Variants in PPP2R5E observed in about 807,000 individuals in gnomAD.
The protein encoded by PPP2R5E is protein phosphatase 2 regulatory subunit B'epsilon, also known as serine/threonine-protein phosphatase 2A 56 kDa regulatory subunit epsilon isoform.
In PPP2R5E, 4 loss-of-function variants were observed where a neutral mutation model predicts 65.3. The observed-to-expected ratio is 0.06, with a 90% CI of 0.03 to 0.14. The LOEUF (loss-of-function observed/expected upper bound fraction) is 0.14. Ranked by LOEUF, PPP2R5E falls within the 10% of genes least tolerant of loss-of-function variation. The pLI is 1.00. For missense variants in PPP2R5E, 274 were observed against 556.1 expected (o/e 0.49, Z 5.10); for synonymous variants, 183 against 187.4 (o/e 0.98, Z 0.19).
chr14:63,433,032 GTTTTTTTTTT>G (rs747571866), intron 3 of PPP2R5E, among the ~76,000 whole-genome samples: 1 of 96,464 alleles, frequency 1.0e-5, no homozygotes, highest in Non-Finnish European at 2.1e-5. Flanking sequence ...GTTTTGTTTT[GTTTTTTTTTT>G]TTTTTTTTTT....
chr14:63,395,375 A>C, intron 6 of PPP2R5E, 90 bp from the exon 7 acceptor site: 1 of 540,612 alleles, frequency 1.8e-6, no homozygotes, highest in Non-Finnish European at 3.0e-6. Context: ...GAGAAGGGGG[A>C]GGAGGAGGAG....
intron 2 of PPP2R5E, among the ~76,000 whole-genome samples, chr14:63,477,899 C>A (rs1382459124): frequency 6.6e-6 from 1 of 151,722 alleles, no homozygotes; most frequent in Non-Finnish European, 1.5e-5. Context: ...ACTGAAACTA[C>A]AAATCCAAAA....
intron 5 of PPP2R5E, among the ~76,000 whole-genome samples, chr14:63,397,020 C>T (rs1021236268): frequency 2.6e-5 from 4 of 152,292 alleles, no homozygotes; most frequent in African/African-American, 9.6e-5. Flanking sequence ...ACATATTAAT[C>T]CTCCCAATGA....
intron 5 of PPP2R5E, among the ~76,000 whole-genome samples, chr14:63,399,366 C>CTTTTTTTTTTTTTTTTTT (rs397814218): frequency 4.1e-5 from 2 of 48,518 alleles, no homozygotes; most frequent in African/African-American, 8.3e-5. Context: ...GGATTTCTTT[C>CTTTTTTTTTTTTTTTTTT]TTTTTTTTTT....
intron 10 of PPP2R5E, among the ~76,000 whole-genome samples, chr14:63,391,467 G>C (rs1386441513): frequency 1.3e-5 from 2 of 152,066 alleles, no homozygotes; most frequent in Non-Finnish European, 2.9e-5. Context: ...TTGTTGCCCA[G>C]GCTGGAGTGC....
At chr14:63,461,672 CGT>C (rs769548117) in intron 2 of PPP2R5E, among the ~76,000 whole-genome samples, 19 of 150,506 alleles carry the variant, frequency 1.3e-4, no homozygotes, top group Non-Finnish European at 2.7e-4. Context: ...GGCTTGGTGG[CGT>C]GTGCCTGTAG....
intron 3 of PPP2R5E, among the ~76,000 whole-genome samples, chr14:63,443,972 A>T (rs893675724): frequency 7.2e-5 from 11 of 151,888 alleles, no homozygotes; most frequent in Non-Finnish European, 1.6e-4. Context: ...CTCCTAATTG[A>T]TTCCTCTCTG....
At chr14:63,442,168 A>C (rs1227485292) in intron 3 of PPP2R5E, among the ~76,000 whole-genome samples, 1 of 152,076 alleles carries the variant, frequency 6.6e-6, no homozygotes, top group Non-Finnish European at 1.5e-5. Context: ...TCATTCTACA[A>C]ATGTCTTTGG....
At chr14:63,512,615 T>C (rs72714300) in intron 2 of PPP2R5E, among the ~76,000 whole-genome samples, 4,662 of 152,320 alleles carry the variant, frequency 0.031, 96 homozygotes, top group East Asian at 0.045. Context: ...CTTCCACTCC[T>C]ATTCCCCAAA....
intron 3 of PPP2R5E, among the ~76,000 whole-genome samples, chr14:63,422,449 G>A (rs962066102): frequency 3.7e-4 from 56 of 152,098 alleles, no homozygotes; most frequent in Non-Finnish European, 6.5e-4. Flanking sequence ...ACTGCTGGCC[G>A]GGCGCAGTGG....
intron 2 of PPP2R5E, among the ~76,000 whole-genome samples, chr14:63,529,221 AG>A (rs1362345771): frequency 6.6e-6 from 1 of 152,134 alleles, no homozygotes; most frequent in African/African-American, 2.4e-5. Flanking sequence ...GTCCTCCCAA[AG>A]TGCTGGGATT....
At chr14:63,503,583 A>G (rs1393666725) in intron 2 of PPP2R5E, among the ~76,000 whole-genome samples, 2 of 152,174 alleles carry the variant, frequency 1.3e-5, no homozygotes, top group Non-Finnish European at 2.9e-5. Flanking sequence ...AGGGCAAAAA[A>G]CACCACATTT....
chr14:63,441,741 C>T (rs997707358), intron 3 of PPP2R5E, among the ~76,000 whole-genome samples: 1 of 152,014 alleles, frequency 6.6e-6, no homozygotes, highest in African/African-American at 2.4e-5. Context: ...GAAACACCGT[C>T]TCTACTAAAA....
chr14:63,401,282 G>T (rs1363291865), intron 5 of PPP2R5E, among the ~76,000 whole-genome samples: 2 of 152,096 alleles, frequency 1.3e-5, no homozygotes, highest in African/African-American at 2.4e-5. Flanking sequence ...AATAATATGA[G>T]TGTGCTTAGT....
chr14:63,410,410 C>G (rs1325025387), intron 5 of PPP2R5E, among the ~76,000 whole-genome samples: 1 of 152,052 alleles, frequency 6.6e-6, no homozygotes, highest in Admixed American at 6.6e-5. Context: ...GACCTGACTA[C>G]CGAGTGCAGA....
rs1883880279 is a variant in PPP2R5E at position 63,374,636 on chromosome 14, TATATATATATATATATA to T, written c.*1356_*1372del. Reference sequence around the variant, plus strand: ...AATACAAAGCAGAGAGCCAATAAGATATATATATATATATATATATATATATATATATAAAATACAGC... The same window carrying T: ...AATACAAAGCAGAGAGCCAATAAGATTATATATATATATATAAAATACAGC... On this transcript the variant is annotated 3_prime_UTR_variant, in exon 14 of 14. Transcript: ENST00000337537. 2 of 42,142 alleles carry T rather than the reference TATATATATATATATATA, an allele frequency of 4.7e-5. No individual in the cohort carries two copies. Among genetic ancestry groups the T allele is most frequent in the African/African-American group, 1.3e-4 (2 of 15,610 alleles). The allele number at this position is 42,142 out of a possible 1,614,324, so 2.6% of individuals were successfully genotyped here. A position where few individuals can be genotyped will look rare whatever the true frequency, so the allele number is the denominator to read the frequency against.
intron 6 of PPP2R5E, among the ~76,000 whole-genome samples, chr14:63,396,128 G>A (rs1168043783): frequency 1.4e-5 from 1 of 69,544 alleles, no homozygotes; most frequent in African/African-American, 6.3e-5. Flanking sequence ...GCGGGGAGGA[G>A]AGGAGGAGAG....
At position 63,391,964 on chromosome 14, in the gene PPP2R5E, AG is replaced by A. The variant is rs1885046959; in HGVS notation, c.903+7del. ...TTAAGTTTTTGAAATTATGGAAAAA[AG>A]ACTTACTGGTTCTGTGAGTGAAGGA... On this transcript the variant is annotated splice_region_variant and intron_variant, in intron 9 of 13. Transcript: ENST00000337537. The A allele has an allele frequency of 6.2e-7, 1 of 1,610,050 alleles. No individual in the cohort carries two copies. The highest frequency in any genetic ancestry group is 1.3e-5 in the African/African-American group (1 of 74,702).
At chr14:63,400,711 G>GC (rs1885705518) in intron 5 of PPP2R5E, among the ~76,000 whole-genome samples, 1 of 10,212 alleles carries the variant, frequency 9.8e-5, no homozygotes, top group African/African-American at 3.2e-4. Flanking sequence ...AAAAAAAAAG[G>GC]CCCCATATAG....
Sources: gnomAD v4.1 joint callset for allele counts (sites outside exome capture counted in the v4.1 genomes callset) on GRCh38, gnomAD v4.1.1 for gene constraint, MANE v1.5 for transcripts, NCBI Gene and HGNC (gene_info 2026-07-23, HGNC 2026-07-21) for gene names.